The following SYCP1 variants were observed in gnomAD, a reference collection of about 807,000 sequenced individuals.
SYCP1 encodes synaptonemal complex protein 1.
Under a neutral mutation model 153.1 loss-of-function variants are expected in SYCP1, and 64 were observed. The ratio of observed to expected loss-of-function variants is 0.42; its 90% CI spans 0.34 to 0.51. The LOEUF (loss-of-function observed/expected upper bound fraction) is 0.51, where lower values mean the gene tolerates loss of function less well. Among genes scored for constraint, SYCP1 ranks in the 20% least tolerant of loss-of-function variants. The pLI is 0.06. For missense variants in SYCP1, 997 were observed against 1,049.0 expected (o/e 0.95, Z 0.68); for synonymous variants, 384 against 341.8 (o/e 1.12, Z -1.36).
At chr1:114,901,633 C>G (rs1354741754) in intron 16 of SYCP1, among the ~76,000 whole-genome samples, 1 of 152,120 alleles carries the variant, frequency 6.6e-6, no homozygotes, top group Non-Finnish European at 1.5e-5. Context: ...GGTCTTGCTC[C>G]CAAGGACAGC....
rs192529089 is a variant in SYCP1, at chr1:114,887,247, A to G, written c.1191-379A>G. On this transcript the variant is annotated intron_variant, in intron 14 of 31. Transcript: ENST00000369522. Reference sequence around the variant, plus strand: ...ACAGAAAGCCAGAGAAGTTAACCAAATTATACATGTTCTCATAATTATATT... The same window carrying G: ...ACAGAAAGCCAGAGAAGTTAACCAAGTTATACATGTTCTCATAATTATATT... Among the ~76,000 whole-genome samples the G allele has an allele frequency of 1.1e-3, 161 of 152,242 alleles. 1 individual carries two copies. The highest frequency in any genetic ancestry group is 6.7e-3 in the Admixed American group (103 of 15,290).
chr1:114,893,678 T>C (rs1666880144), intron 15 of SYCP1, among the ~76,000 whole-genome samples: 1 of 152,190 alleles, frequency 6.6e-6, no homozygotes. Context: ...ACCTGATTGT[T>C]GACTCTCTAA....
chr1:114,947,936 T>C (rs1371777426), intron 27 of SYCP1, among the ~76,000 whole-genome samples: 1 of 151,900 alleles, frequency 6.6e-6, no homozygotes, highest in Non-Finnish European at 1.5e-5. Context: ...ACTTTAAGTT[T>C]TAGGGTACAT....
At chr1:114,954,509 TA>T (rs1488215527) in intron 27 of SYCP1, among the ~76,000 whole-genome samples, 1 of 151,074 alleles carries the variant, frequency 6.6e-6, no homozygotes, top group Non-Finnish European at 1.5e-5. Context: ...CAATAATAAT[TA>T]ATTATATTTT....
At chr1:114,896,102 T>C (rs1482791931) in intron 16 of SYCP1, among the ~76,000 whole-genome samples, 1 of 152,098 alleles carries the variant, frequency 6.6e-6, no homozygotes, top group African/African-American at 2.4e-5. Flanking sequence ...ATTCCTAGCT[T>C]AAGGGTCTAG....
At chr1:114,948,820 C>G (rs1670912374) in intron 27 of SYCP1, among the ~76,000 whole-genome samples, 1 of 152,184 alleles carries the variant, frequency 6.6e-6, no homozygotes, top group Admixed American at 6.5e-5. Context: ...CTTTATCCTA[C>G]TGTTTCAGTA....
intron 24 of SYCP1, 22 bp from the exon 25 acceptor site, chr1:114,944,850 T>C: frequency 6.6e-7 from 1 of 1,513,578 alleles, no homozygotes; most frequent in Non-Finnish European, 8.9e-7. Context: ...TAAGAAACTT[T>C]TTTTTTTTGC....
intron 14 of SYCP1, among the ~76,000 whole-genome samples, chr1:114,887,408 T>C (rs1043282311): frequency 2.6e-5 from 4 of 151,948 alleles, no homozygotes; most frequent in African/African-American, 9.7e-5. Flanking sequence ...TCTATGTATA[T>C]TACATAAATG....
chr1:114,982,449 A>G (rs1191635233), intron 29 of SYCP1, among the ~76,000 whole-genome samples: 1 of 151,668 alleles, frequency 6.6e-6, no homozygotes, highest in East Asian at 2.0e-4. Context: ...CAGTTGAATT[A>G]TATTCAGGCT....
At chr1:114,911,448 C>T (rs1668170686) in intron 17 of SYCP1, 31 bp from the exon 18 acceptor site, 1 of 1,487,908 alleles carries the variant, frequency 6.7e-7, no homozygotes, top group Non-Finnish European at 9.0e-7. Flanking sequence ...TCGAAAAACA[C>T]TTGCCATAGT....
At chr1:114,856,808 C>T (rs968528230) in intron 3 of SYCP1, 151 bp downstream of exon 3, 7 of 572,178 alleles carry the variant, frequency 1.2e-5, no homozygotes, top group Non-Finnish European at 1.7e-5. Context: ...AGGCTGGACA[C>T]GGTGGCTAAC....
intron 23 of SYCP1, 52 bp from the exon 24 acceptor site, chr1:114,944,287 C>T: frequency 9.8e-7 from 1 of 1,017,674 alleles, no homozygotes; most frequent in East Asian, 2.6e-5. Context: ...GGAATGTTTT[C>T]AAGTAATCCA....
intron 29 of SYCP1, among the ~76,000 whole-genome samples, chr1:114,983,660 G>A (rs1191690396): frequency 6.6e-6 from 1 of 151,834 alleles, no homozygotes; most frequent in Non-Finnish European, 1.5e-5. Context: ...GCAGGGGATG[G>A]GACTGGGGAA....
At chr1:114,981,629 AAT>A in intron 29 of SYCP1, 117 bp downstream of exon 29, 2 of 980,554 alleles carry the variant, frequency 2.0e-6, no homozygotes, top group Non-Finnish European at 2.9e-6. Context: ...TGAAAGTTTC[AAT>A]TTTTTTTGTG....
At chr1:114,856,437 C>A in intron 2 of SYCP1, 136 bp from the exon 3 acceptor site, 1 of 464,214 alleles carries the variant, frequency 2.2e-6, no homozygotes, top group Non-Finnish European at 3.7e-6. Flanking sequence ...ATATTTTAAA[C>A]ACTGTATGTA....
At chr1:114,898,421 C>T (rs1440473497) in intron 16 of SYCP1, among the ~76,000 whole-genome samples, 1 of 152,114 alleles carries the variant, frequency 6.6e-6, no homozygotes, top group Non-Finnish European at 1.5e-5. Context: ...TTATTTATTC[C>T]CATCATCTGT....
At chr1:114,933,209 C>T (rs183881173) in intron 23 of SYCP1, among the ~76,000 whole-genome samples, 15 of 152,260 alleles carry the variant, frequency 9.9e-5, no homozygotes, top group Admixed American at 2.0e-4. Flanking sequence ...TCCAGAGGAA[C>T]GATCAGGCAG....
intron 29 of SYCP1, 100 bp from the exon 30 acceptor site, chr1:114,984,625 G>A (rs1486427719): frequency 5.1e-6 from 5 of 983,978 alleles, no homozygotes; most frequent in East Asian, 3.3e-5. Flanking sequence ...GTTTCTGATT[G>A]CTAAGGACTC....
chr1:114,971,889 G>A (rs985307066), intron 27 of SYCP1, among the ~76,000 whole-genome samples: 7 of 151,994 alleles, frequency 4.6e-5, no homozygotes, highest in African/African-American at 1.7e-4. Flanking sequence ...TTTTTGATGT[G>A]TCTTTGTGTC....
Sources: gnomAD v4.1 joint callset for allele counts (sites outside exome capture counted in the v4.1 genomes callset) on GRCh38, gnomAD v4.1.1 for gene constraint, MANE v1.5 for transcripts, NCBI Gene and HGNC (gene_info 2026-07-23, HGNC 2026-07-21) for gene names.